SLC24A2: variants seen among roughly 807,000 people sequenced by gnomAD.
SLC24A2 encodes sodium/potassium/calcium exchanger 2.
In SLC24A2, 36 loss-of-function variants were observed where a neutral mutation model predicts 62.0. That is an observed-to-expected ratio of 0.58 (90% CI 0.44 to 0.77). SLC24A2 has a LOEUF of 0.77. Ranked by LOEUF, SLC24A2 falls within the 30% of genes least tolerant of loss-of-function variation. SLC24A2 has a pLI of 0.00. For missense variants in SLC24A2, 846 were observed against 817.9 expected (o/e 1.03, Z -0.42); for synonymous variants, 358 against 294.0 (o/e 1.22, Z -2.23).
intron 7 of SLC24A2, among the ~76,000 whole-genome samples, chr9:19,551,675 G>A (rs966136635): frequency 5.3e-5 from 8 of 152,044 alleles, no homozygotes; most frequent in Non-Finnish European, 8.8e-5. Context: ...CAGTAACAGC[G>A]CCCCCCTCCA....
At chr9:19,797,418 A>G in the SLC24A2 span, among the ~76,000 whole-genome samples, 1 of 152,196 alleles carries the variant, frequency 6.6e-6, no homozygotes, top group East Asian at 1.9e-4. Flanking sequence ...TTTCTAAAAT[A>G]TCTGGTGATC....
At chr9:19,972,849 C>G in the SLC24A2 span, among the ~76,000 whole-genome samples, 1 of 152,110 alleles carries the variant, frequency 6.6e-6, no homozygotes. Flanking sequence ...TCTGTCATTA[C>G]GAGAAGAGCA....
chr9:20,037,889 T>C, the SLC24A2 span, among the ~76,000 whole-genome samples: 1 of 152,144 alleles, frequency 6.6e-6, no homozygotes, highest in Admixed American at 6.5e-5. Flanking sequence ...CAGCCCCAAA[T>C]GTCAAAAATG....
intron 2 of SLC24A2, among the ~76,000 whole-genome samples, chr9:19,695,015 GC>G (rs1443621396): frequency 2.2e-5 from 3 of 137,946 alleles, no homozygotes; most frequent in Non-Finnish European, 4.6e-5. Context: ...TAAATTTGGG[GC>G]AAATAAAAAG....
chr9:20,203,330 A>C, the SLC24A2 span, among the ~76,000 whole-genome samples: 3 of 152,184 alleles, frequency 2.0e-5, no homozygotes, highest in Non-Finnish European at 4.4e-5. Context: ...TAGATAATGC[A>C]GTTCTTCTTA....
the SLC24A2 span, among the ~76,000 whole-genome samples, chr9:20,082,690 G>A: frequency 2.0e-5 from 3 of 152,216 alleles, no homozygotes; most frequent in African/African-American, 7.2e-5. Flanking sequence ...AAAGGAAAGT[G>A]GAAGATGCTC....
At chr9:20,113,207 G>A in the SLC24A2 span, among the ~76,000 whole-genome samples, 2 of 152,212 alleles carry the variant, frequency 1.3e-5, no homozygotes, top group South Asian at 4.1e-4. Flanking sequence ...AAACCCCATA[G>A]TTCTAGGGAA....
chr9:19,986,769 C>T, the SLC24A2 span, among the ~76,000 whole-genome samples: 2 of 151,858 alleles, frequency 1.3e-5, no homozygotes, highest in Admixed American at 6.6e-5. Flanking sequence ...TTGGTAGTTG[C>T]CCGAGGCTGG....
At chr9:19,748,838 G>T (rs1821906662) in intron 2 of SLC24A2, among the ~76,000 whole-genome samples, 1 of 151,966 alleles carries the variant, frequency 6.6e-6, no homozygotes, top group Admixed American at 6.6e-5. Context: ...ACAGAGGAGG[G>T]TGATAAGCAA....
At chr9:19,534,978 G>A (rs1434481144) in intron 8 of SLC24A2, among the ~76,000 whole-genome samples, 1 of 152,180 alleles carries the variant, frequency 6.6e-6, no homozygotes, top group African/African-American at 2.4e-5. Context: ...CCCACCAACA[G>A]TGTAAAAGTG....
intron 2 of SLC24A2, among the ~76,000 whole-genome samples, chr9:19,676,552 CTT>C (rs1158972437): frequency 1.3e-5 from 2 of 152,084 alleles, no homozygotes; most frequent in African/African-American, 4.8e-5. Flanking sequence ...AATGGAGGCA[CTT>C]TTTTTCCACA....
the SLC24A2 span, among the ~76,000 whole-genome samples, chr9:20,245,802 T>A: frequency 6.6e-6 from 1 of 152,136 alleles, no homozygotes; most frequent in Non-Finnish European, 1.5e-5. Context: ...TAGGAGATAA[T>A]AGTAGCTAAC....
At chr9:19,820,272 TG>T in the SLC24A2 span, among the ~76,000 whole-genome samples, 1 of 142,892 alleles carries the variant, frequency 7.0e-6, no homozygotes, top group Non-Finnish European at 1.5e-5. Flanking sequence ...CAATGGAGTT[TG>T]GGGGTTTGGG....
At chr9:20,302,822 G>A in the SLC24A2 span, among the ~76,000 whole-genome samples, 2 of 152,138 alleles carry the variant, frequency 1.3e-5, no homozygotes, top group East Asian at 3.8e-4. Context: ...ATACCACTGT[G>A]GGGCTGAACC....
At chr9:19,846,095 G>A in the SLC24A2 span, among the ~76,000 whole-genome samples, 1 of 152,136 alleles carries the variant, frequency 6.6e-6, no homozygotes, top group South Asian at 2.1e-4. Flanking sequence ...TTCTGTAGAT[G>A]TCTATTAGGT....
chr9:19,978,601 TC>T, the SLC24A2 span, among the ~76,000 whole-genome samples: 1 of 152,138 alleles, frequency 6.6e-6, no homozygotes, highest in Admixed American at 6.6e-5. Flanking sequence ...ATTTTTTTTT[TC>T]TTCAGAGTAT....
At chr9:19,806,476 T>C in the SLC24A2 span, among the ~76,000 whole-genome samples, 1 of 152,166 alleles carries the variant, frequency 6.6e-6, no homozygotes, top group East Asian at 1.9e-4. Flanking sequence ...GTCACCATCT[T>C]TCTATATAAG....
chr9:19,966,854 G>A, the SLC24A2 span, among the ~76,000 whole-genome samples: 3 of 152,224 alleles, frequency 2.0e-5, no homozygotes, highest in Non-Finnish European at 2.9e-5. Context: ...ATTAGTAGAA[G>A]AAATTACTAA....
chr9:20,293,501 A>G, the SLC24A2 span, among the ~76,000 whole-genome samples: 1 of 152,118 alleles, frequency 6.6e-6, no homozygotes, highest in Non-Finnish European at 1.5e-5. Context: ...TGTGGCCAAA[A>G]AAGCCCAGGG....
Sources: gnomAD v4.1 joint callset for allele counts (sites outside exome capture counted in the v4.1 genomes callset) on GRCh38, gnomAD v4.1.1 for gene constraint, MANE v1.5 for transcripts, NCBI Gene and HGNC (gene_info 2026-07-23, HGNC 2026-07-21) for gene names.